The following RBFOX1 variants were observed in gnomAD, a reference collection of about 807,000 sequenced individuals.
The protein encoded by RBFOX1 is RNA binding protein fox-1 homolog 1.
A neutral mutation model predicts 57.7 loss-of-function variants in RBFOX1; 8 were observed. The observed-to-expected ratio is 0.14, with a 90% CI of 0.08 to 0.25. RBFOX1 has a LOEUF of 0.25. RBFOX1 is among the 10% of genes least tolerant of loss of function. The pLI, the probability that RBFOX1 is intolerant of heterozygous loss-of-function variation, is 1.00. For synonymous variants in RBFOX1, 326 were observed against 222.4 expected, an observed-to-expected ratio of 1.47 and a Z score of -4.15; for missense variants, 611 against 548.5, an observed-to-expected ratio of 1.11 and a Z score of -1.14.
At chr16:6,586,103 C>T (rs1600670566) in intron 2 of RBFOX1, among the ~76,000 whole-genome samples, 1 of 152,152 alleles carries the variant, frequency 6.6e-6, no homozygotes, top group Admixed American at 6.5e-5. Context: ...GTTTATAAAT[C>T]CATCATCAGA....
chr16:5,314,192 A>AG (rs2064168260), intron 1 of RBFOX1, among the ~76,000 whole-genome samples: 1 of 152,210 alleles, frequency 6.6e-6, no homozygotes, highest in South Asian at 2.1e-4. Context: ...CAGGTCATGC[A>AG]GTGGGTATTG....
chr16:6,244,572 C>T (rs1230264159), intron 1 of RBFOX1, among the ~76,000 whole-genome samples: 1 of 152,180 alleles, frequency 6.6e-6, no homozygotes. Context: ...GGTGCGATCT[C>T]AGCTCACTGC....
chr16:6,519,189 TA>T (rs1417217270), intron 2 of RBFOX1, among the ~76,000 whole-genome samples: 1 of 152,122 alleles, frequency 6.6e-6, no homozygotes, highest in Non-Finnish European at 1.5e-5. Flanking sequence ...AATTTATCTC[TA>T]AAATGGAATT....
chr16:6,377,075 C>G (rs1175557764), intron 2 of RBFOX1, among the ~76,000 whole-genome samples: 2 of 151,734 alleles, frequency 1.3e-5, no homozygotes, highest in Admixed American at 6.6e-5. Flanking sequence ...GAGTTCGATA[C>G]CAGCCTGGGC....
At chr16:5,934,595 G>T (rs1326316210) in intron 4 of RBFOX1, among the ~76,000 whole-genome samples, 2 of 152,160 alleles carry the variant, frequency 1.3e-5, no homozygotes, top group African/African-American at 4.8e-5. Flanking sequence ...AAGAGAAGAG[G>T]ATATTGAATG....
intron 12 of RBFOX1, among the ~76,000 whole-genome samples, chr16:7,663,880 A>G (rs1359845150): frequency 2.0e-5 from 3 of 152,172 alleles, no homozygotes; most frequent in Non-Finnish European, 4.4e-5. Flanking sequence ...GTTTCTCACG[A>G]CCACGTAGCT....
intron 2 of RBFOX1, among the ~76,000 whole-genome samples, chr16:5,581,383 A>C (rs571117577): frequency 6.6e-6 from 1 of 152,174 alleles, no homozygotes; most frequent in South Asian, 2.1e-4. Flanking sequence ...TCCAATACCT[A>C]TGTGTGTCAG....
At chr16:6,557,906 C>T (rs1030059751) in intron 2 of RBFOX1, among the ~76,000 whole-genome samples, 1 of 152,122 alleles carries the variant, frequency 6.6e-6, no homozygotes, top group Non-Finnish European at 1.5e-5. Flanking sequence ...CCCAATGCTT[C>T]TTCAGCGATA....
intron 4 of RBFOX1, among the ~76,000 whole-genome samples, chr16:7,348,373 C>T (rs988056568): frequency 3.3e-5 from 5 of 151,916 alleles, no homozygotes; most frequent in Non-Finnish European, 7.4e-5. Context: ...TTAATAGGAA[C>T]ACCTTTTGAA....
intron 2 of RBFOX1, among the ~76,000 whole-genome samples, chr16:6,587,691 CAGAG>C (rs1039426158): frequency 2.6e-5 from 4 of 152,178 alleles, no homozygotes; most frequent in Non-Finnish European, 4.4e-5. Flanking sequence ...GTGTAAAAAA[CAGAG>C]AGATGATTTT....
intron 1 of RBFOX1, among the ~76,000 whole-genome samples, chr16:5,337,109 C>T (rs983305730): frequency 2.0e-5 from 3 of 152,166 alleles, no homozygotes; most frequent in African/African-American, 7.2e-5. Flanking sequence ...AGATGGCCGG[C>T]TGGGGACGGC....
chr16:5,618,011 T>C (rs931828531), intron 3 of RBFOX1, among the ~76,000 whole-genome samples: 1 of 152,210 alleles, frequency 6.6e-6, no homozygotes, highest in African/African-American at 2.4e-5. Context: ...CATTGAGGTA[T>C]AACTTACATA....
intron 3 of RBFOX1, among the ~76,000 whole-genome samples, chr16:7,046,708 C>G (rs529897435): frequency 6.9e-6 from 1 of 145,556 alleles, no homozygotes; most frequent in African/African-American, 2.5e-5. Context: ...TGGGTTCAAA[C>G]GATTCTCCTG....
chr16:6,972,269 C>G (rs12446386), intron 3 of RBFOX1, among the ~76,000 whole-genome samples: 5,076 of 152,078 alleles, frequency 0.033, 109 homozygotes, highest in Non-Finnish European at 0.052. Flanking sequence ...CTCCCCAGCC[C>G]CTGGTAACTG....
intron 4 of RBFOX1, among the ~76,000 whole-genome samples, chr16:7,110,848 G>T (rs1311249850): frequency 1.3e-5 from 2 of 152,082 alleles, no homozygotes; most frequent in Admixed American, 6.6e-5. Context: ...GTATATAACT[G>T]GTAAAGAATA....
chr16:5,557,947 G>A (rs1308776812), intron 2 of RBFOX1, among the ~76,000 whole-genome samples: 2 of 152,216 alleles, frequency 1.3e-5, no homozygotes, highest in Non-Finnish European at 2.9e-5. Flanking sequence ...CAGAGAAAGA[G>A]AGAAGAGTAA....
In RBFOX1 at chr16:7,215,879, G is replaced by A. The variant is rs1049398114; in HGVS notation, c.27+163781G>A. 4.0e-5 allele frequency among the ~76,000 whole-genome samples: 6 copies of A among 151,652 alleles called. No individual in the cohort carries two copies. The South Asian group carries it at 6.3e-4, about 16-fold the overall frequency. On this transcript the variant is annotated intron_variant, in intron 4 of 15. Coordinates refer to ENST00000550418, the MANE Select transcript of RBFOX1 (RefSeq NM_018723.4). ...AGCTGGGACTACAGGCGTCTGCCAC[G>A]GCACCCGGCTAATTTTTGTATTTTT...
Position 5,690,655 on chromosome 16 carries a change from C to T in RBFOX1, c.318+91694C>T, listed in dbSNP as rs138471222. 9.2e-5 allele frequency among the ~76,000 whole-genome samples: 14 copies of T among 152,128 alleles called. No individual in the cohort carries two copies. The East Asian group carries it at 1.4e-3, about 15-fold the overall frequency. ...TTCCCTCTGAATTCCAAAATCTTAA[C>T]GGAAGATTTAGTACATGACTGACAT... On this transcript the variant is annotated intron_variant, in intron 3 of 19. Coordinates refer to the RBFOX1 transcript ENST00000641259.
chr16:7,217,858 A>G (rs1052168454), intron 4 of RBFOX1, among the ~76,000 whole-genome samples: 1 of 151,942 alleles, frequency 6.6e-6, no homozygotes, highest in Non-Finnish European at 1.5e-5. Flanking sequence ...GTGTGTGGGC[A>G]TGTGTGTACA....
Sources: gnomAD v4.1 joint callset for allele counts (sites outside exome capture counted in the v4.1 genomes callset) on GRCh38, gnomAD v4.1.1 for gene constraint, MANE v1.5 for transcripts, NCBI Gene and HGNC (gene_info 2026-07-23, HGNC 2026-07-21) for gene names.